PPP1R14D: variants seen among roughly 807,000 people sequenced by gnomAD.
PPP1R14D encodes the protein protein phosphatase 1 regulatory inhibitor subunit 14D.
A neutral mutation model predicts 17.1 loss-of-function variants in PPP1R14D; 14 were observed. The observed-to-expected ratio is 0.82, with a 90% confidence interval of 0.54 to 1.28. PPP1R14D has a LOEUF of 1.28. Among genes scored for constraint, PPP1R14D ranks in the 50% most tolerant of loss-of-function variants. The probability of loss-of-function intolerance (pLI) is 0.00; values close to 1 mark genes in which losing one functional copy is unlikely to be tolerated. For missense variants in PPP1R14D, 173 were observed against 179.2 expected (o/e 0.97, Z 0.20); for synonymous variants, 67 against 66.1 (o/e 1.01, Z -0.06).
In PPP1R14D at chr15:40,815,578, T is replaced by C; in HGVS notation, c.*118A>G. The C allele has an allele frequency of 1.6e-6, 2 of 1,264,532 alleles. No individual in the cohort carries two copies. Among genetic ancestry groups the C allele is most frequent in the Non-Finnish European group, 1.1e-6 (1 of 912,112 alleles). The allele number at this position is 1,264,532 out of a possible 1,614,324, so 78.3% of individuals were successfully genotyped here. On this transcript the variant is annotated 3_prime_UTR_variant, in exon 4 of 4. Transcript: ENST00000299174. ...CACAGACAGTAGGAGTATGCAAATG[T>C]CCCTCCTTGTCCACATTTCTTGTTT...
chr15:40,826,597 G>A (rs1188394825), intron 1 of PPP1R14D, among the ~76,000 whole-genome samples: 1 of 152,112 alleles, frequency 6.6e-6, no homozygotes, highest in Non-Finnish European at 1.5e-5. Context: ...CTCCACACCT[G>A]GTCCCAAGGT....
chr15:40,826,032 T>C (rs1478498570), intron 1 of PPP1R14D, among the ~76,000 whole-genome samples: 1 of 152,084 alleles, frequency 6.6e-6, no homozygotes, highest in Non-Finnish European at 1.5e-5. Flanking sequence ...CAATCTGAAA[T>C]TGAAACTGAT....
At chr15:40,824,180 T>C (rs915152432) in intron 1 of PPP1R14D, among the ~76,000 whole-genome samples, 1 of 151,986 alleles carries the variant, frequency 6.6e-6, no homozygotes, top group African/African-American at 2.4e-5. Context: ...GTAGGGTAGT[T>C]TCCTGGAAGC....
chr15:40,817,225 C>T (rs1205675956), intron 1 of PPP1R14D: 12 of 301,268 alleles, frequency 4.0e-5, no homozygotes, highest in African/African-American at 6.8e-5. Context: ...GGTGTGGTTG[C>T]GCATACCCGT....
intron 1 of PPP1R14D, among the ~76,000 whole-genome samples, chr15:40,825,021 T>C (rs376102569): frequency 7.4e-4 from 112 of 152,142 alleles, no homozygotes; most frequent in African/African-American, 2.7e-3. Context: ...CGGTGGCTCA[T>C]TCCTGTAATC....
chr15:40,819,796 G>A (rs997802449), intron 1 of PPP1R14D, among the ~76,000 whole-genome samples: 3 of 151,924 alleles, frequency 2.0e-5, no homozygotes, highest in African/African-American at 7.3e-5. Context: ...GTGCTGGAGG[G>A]GTGCTGTTGG....
chr15:40,828,143 C>T (rs542026086), intron 1 of PPP1R14D, among the ~76,000 whole-genome samples: 8 of 152,138 alleles, frequency 5.3e-5, no homozygotes, highest in Non-Finnish European at 1.0e-4. Context: ...GCACTAACAG[C>T]CCTATTATAG....
intron 1 of PPP1R14D, among the ~76,000 whole-genome samples, chr15:40,817,652 T>TCAC (rs1042306015): frequency 2.7e-5 from 4 of 149,790 alleles, no homozygotes; most frequent in African/African-American, 9.9e-5. Context: ...TATTGCTCTG[T>TCAC]CACCCAGGCT....
chr15:40,822,965 ATT>A (rs35437867), intron 1 of PPP1R14D, among the ~76,000 whole-genome samples: 19 of 123,550 alleles, frequency 1.5e-4, no homozygotes, highest in Admixed American at 1.7e-4. Flanking sequence ...CATCCGGCTA[ATT>A]TTTTTTTTTT....
intron 1 of PPP1R14D, among the ~76,000 whole-genome samples, chr15:40,824,418 T>C (rs1426515028): frequency 6.6e-6 from 1 of 151,978 alleles, no homozygotes; most frequent in African/African-American, 2.4e-5. Flanking sequence ...TCACCCAGGC[T>C]GGAGTGCAGT....
At chr15:40,822,597 G>A (rs923760064) in intron 1 of PPP1R14D, among the ~76,000 whole-genome samples, 1 of 151,816 alleles carries the variant, frequency 6.6e-6, no homozygotes, top group Non-Finnish European at 1.5e-5. Context: ...GGGATTACGG[G>A]TGCCTACCAC....
At chr15:40,824,617 T>C (rs581709) in intron 1 of PPP1R14D, among the ~76,000 whole-genome samples, 113,804 of 151,990 alleles carry the variant, frequency 0.75, 42,888 homozygotes, top group East Asian at 0.88. Flanking sequence ...AATTTGCCCC[T>C]CTCAGCCTCC....
intron 1 of PPP1R14D, among the ~76,000 whole-genome samples, chr15:40,825,316 T>G (rs1425670017): frequency 1.4e-5 from 2 of 144,120 alleles, no homozygotes; most frequent in South Asian, 2.2e-4. Context: ...AAGAAAGAAA[T>G]AGAGGGGATG....
chr15:40,816,016 C>T, intron 2 of PPP1R14D, 22 bp from the exon 3 acceptor site: 1 of 1,613,924 alleles, frequency 6.2e-7, no homozygotes, highest in Non-Finnish European at 8.5e-7. Flanking sequence ...AGAACACAGA[C>T]AGGGCCCCAA....
At chr15:40,827,757 C>CA (rs573112640) in intron 1 of PPP1R14D, among the ~76,000 whole-genome samples, 1,961 of 149,794 alleles carry the variant, frequency 0.013, 14 homozygotes, top group Middle Eastern at 0.065. Context: ...GCCGTCTCTA[C>CA]AAAAAAAAAT....
intron 1 of PPP1R14D, among the ~76,000 whole-genome samples, chr15:40,820,033 ATTTT>A (rs1250732125): frequency 3.0e-5 from 4 of 134,402 alleles, no homozygotes; most frequent in Admixed American, 7.5e-5. Context: ...CGCCTGGCTA[ATTTT>A]GTATTTTTAG....
chr15:40,815,828 A>C, intron 3 of PPP1R14D, 67 bp from the exon 4 acceptor site: 1 of 1,509,162 alleles, frequency 6.6e-7, no homozygotes, highest in Non-Finnish European at 9.1e-7. Context: ...GCCCTCCCTA[A>C]TCTTCCCCTG....
chr15:40,828,495 G>T lies in PPP1R14D; in HGVS notation c.147C>A (p.Pro49=). Residue 49 remains proline, a synonymous_variant, in exon 1 of 4, where the codon CCC becomes CCA. Coordinates refer to ENST00000299174, the MANE Select transcript of PPP1R14D (RefSeq NM_017726.8). The part of the protein sequence containing the change: ...SKSHPDSSKI[P]RSRRPSRLTV... ...TCAGGCGGCTGGGTCTCCGGGACCTGGGTATCTTGGAGGAGTCCGGGTGGG... is the reference window on the plus strand; with the variant it reads ...TCAGGCGGCTGGGTCTCCGGGACCTTGGTATCTTGGAGGAGTCCGGGTGGG... The T allele has an allele frequency of 3.7e-6, 6 of 1,614,212 alleles. No individual in the cohort carries two copies. The highest frequency in any genetic ancestry group is 5.1e-6 in the Non-Finnish European group (6 of 1,180,038).
chr15:40,825,167 C>G (rs922946570), intron 1 of PPP1R14D, among the ~76,000 whole-genome samples: 1 of 151,696 alleles, frequency 6.6e-6, no homozygotes, highest in African/African-American at 2.4e-5. Flanking sequence ...CGCCTGTAAT[C>G]CCAGCTACTT....
Sources: allele counts gnomAD v4.1 joint callset (sites outside exome capture counted in the v4.1 genomes callset), GRCh38; gene constraint gnomAD v4.1.1; transcripts MANE v1.5; gene names NCBI Gene and HGNC (gene_info 2026-07-23, HGNC 2026-07-21).